Variants in FNDC3B observed in about 807,000 individuals in gnomAD.
FNDC3B encodes the protein fibronectin type III domain containing 3B.
Under a neutral mutation model 151.5 loss-of-function variants are expected in FNDC3B, and 12 were observed. That is an observed-to-expected ratio of 0.08 (90% CI 0.05 to 0.13). The LOEUF is 0.13. Among genes scored for constraint, FNDC3B ranks in the 10% least tolerant of loss-of-function variants. The probability of loss-of-function intolerance (pLI) is 1.00; values close to 1 mark genes in which losing one functional copy is unlikely to be tolerated. For missense variants in FNDC3B, 1,214 were observed against 1,505.3 expected (o/e 0.81, Z 3.20); for synonymous variants, 528 against 549.0 (o/e 0.96, Z 0.54).
chr3:172,233,170 A>G (rs774190786), intron 4 of FNDC3B, among the ~76,000 whole-genome samples: 1 of 152,220 alleles, frequency 6.6e-6, no homozygotes, highest in Non-Finnish European at 1.5e-5. Context: ...ATTTGCTCAA[A>G]TGTTATAGGG....
intron 2 of FNDC3B, among the ~76,000 whole-genome samples, chr3:172,126,644 T>C (rs1452044216): frequency 6.6e-6 from 1 of 152,234 alleles, no homozygotes; most frequent in Admixed American, 6.5e-5. Context: ...GATTGTATGG[T>C]GGACAACGTC....
intron 3 of FNDC3B, among the ~76,000 whole-genome samples, chr3:172,214,968 G>A (rs1232820882): frequency 6.6e-6 from 1 of 152,226 alleles, no homozygotes; most frequent in Admixed American, 6.5e-5. Context: ...ATTGAGTAAT[G>A]ATATGTTGGT....
intron 13 of FNDC3B, among the ~76,000 whole-genome samples, chr3:172,331,300 A>G (rs922394401): frequency 6.6e-6 from 1 of 152,048 alleles, no homozygotes; most frequent in South Asian, 2.1e-4. Context: ...TGGGCTCTCC[A>G]TTACTGTCCT....
chr3:172,149,290 C>G (rs1199622354), intron 3 of FNDC3B, among the ~76,000 whole-genome samples: 2 of 152,184 alleles, frequency 1.3e-5, no homozygotes, highest in Non-Finnish European at 2.9e-5. Context: ...TAAATTTTCT[C>G]TTCCACTTTA....
Position 172,328,967 on chromosome 3 carries a change from G to C in FNDC3B, c.1270G>C (p.Gly424Arg). The change falls in exon 12 of 26, where the codon GGT becomes CGT. Residue 424 changes from glycine to arginine, a missense_variant. Transcript: ENST00000415807. ...LEWDEGKRNS[G>R]FRQCFFGSQK... ...TTACTTTTAGGGAAAAAGAAATAGT[G>C]GTTTCAGACAGTGCTTCTTCGGGAG... The C allele has an allele frequency of 1.2e-6, 2 of 1,610,776 alleles. No homozygotes were observed. Among genetic ancestry groups the C allele is most frequent in the Non-Finnish European group, 1.7e-6 (2 of 1,178,138 alleles).
chr3:172,330,611 G>C lies in FNDC3B; in HGVS notation c.1450G>C (p.Val484Leu). The change falls in exon 13 of 26, where the codon GTT becomes CTT. Residue 484 changes from valine to leucine, a missense_variant. Coordinates refer to ENST00000415807, the MANE Select transcript of FNDC3B (RefSeq NM_022763.4). ...TCAGATGCCTTCTGCACCAAGGCTG[G>C]TTCGAGCTGGCATCACATGGGTCAC... is the stretch of plus-strand genomic sequence containing the variant. ...IPQMPSAPRL[V>L]RAGITWVTLQ... The C allele has an allele frequency of 6.2e-7, 1 of 1,614,204 alleles. No individual in the cohort carries two copies. The highest frequency in any genetic ancestry group is 1.7e-4 in the Middle Eastern group (1 of 6,060).
chr3:172,148,052 T>G (rs1264832934), intron 3 of FNDC3B, among the ~76,000 whole-genome samples: 1 of 152,144 alleles, frequency 6.6e-6, no homozygotes, highest in African/African-American at 2.4e-5. Flanking sequence ...AAGGATTTGT[T>G]TGTAGTCTTT....
intron 1 of FNDC3B, among the ~76,000 whole-genome samples, chr3:172,057,196 C>T (rs967838502): frequency 2.0e-5 from 3 of 152,118 alleles, no homozygotes; most frequent in African/African-American, 7.2e-5. Flanking sequence ...TTTTTAAGAG[C>T]GATCAGGTCT....
At chr3:172,284,765 T>G (rs1729919388) in intron 6 of FNDC3B, among the ~76,000 whole-genome samples, 1 of 149,234 alleles carries the variant, frequency 6.7e-6, no homozygotes, top group African/African-American at 2.5e-5. Flanking sequence ...ACAGCACCCA[T>G]CACAAGGCAC....
chr3:172,313,975 A>G lies in FNDC3B; in HGVS notation c.1254+3094A>G, dbSNP rs76220291. Among the ~76,000 whole-genome samples, 241 of 152,240 alleles carry G rather than the reference A, an allele frequency of 1.6e-3. 2 individuals are homozygous for G. Among genetic ancestry groups the G allele is most frequent in the African/African-American group, 5.6e-3 (234 of 41,502 alleles). On this transcript the variant is annotated intron_variant, in intron 11 of 25. Transcript: ENST00000415807. ...TCTTTGGGTCCCACATTCCTATGCT[A>G]TACAGGCCTTAGCTTCAAGAAGGAA...
At chr3:172,155,164 A>C (rs1262425957) in intron 3 of FNDC3B, among the ~76,000 whole-genome samples, 1 of 152,250 alleles carries the variant, frequency 6.6e-6, no homozygotes, top group African/African-American at 2.4e-5. Context: ...TCAAATACCC[A>C]GCCAAAGTCA....
chr3:172,100,529 G>T (rs1719330284), intron 1 of FNDC3B, among the ~76,000 whole-genome samples: 1 of 152,124 alleles, frequency 6.6e-6, no homozygotes, highest in South Asian at 2.1e-4. Flanking sequence ...ATGTTTATCT[G>T]AATTAGTAAT....
chr3:172,077,023 A>G lies in FNDC3B; in HGVS notation c.-28-35429A>G, dbSNP rs566903229. Among the ~76,000 whole-genome samples, 4 of 152,350 alleles carry G rather than the reference A, an allele frequency of 2.6e-5. No homozygotes were observed. The South Asian group carries it at 8.3e-4, about 32-fold the overall frequency. On this transcript the variant is annotated intron_variant, in intron 1 of 25. Transcript: ENST00000415807. ...TTAGTTAGAAAACAAAATCTGCATAATGAAATTATATAAACGAGTGATCAA... is the reference window on the plus strand; with the variant it reads ...TTAGTTAGAAAACAAAATCTGCATAGTGAAATTATATAAACGAGTGATCAA...
intron 1 of FNDC3B, among the ~76,000 whole-genome samples, chr3:172,070,567 C>T (rs939804351): frequency 7.2e-5 from 11 of 152,196 alleles, no homozygotes; most frequent in African/African-American, 2.4e-4. Context: ...CCTAGCACTC[C>T]GGCTACTGAC....
chr3:172,365,130 A>G (rs1031413973), intron 23 of FNDC3B, among the ~76,000 whole-genome samples: 59 of 152,322 alleles, frequency 3.9e-4, no homozygotes, highest in African/African-American at 1.4e-3. Context: ...TCAAGGAGAA[A>G]CAATTTGAGT....
intron 6 of FNDC3B, among the ~76,000 whole-genome samples, chr3:172,277,533 C>T (rs965496211): frequency 5.9e-5 from 9 of 152,144 alleles, no homozygotes; most frequent in African/African-American, 1.7e-4. Flanking sequence ...ATCACTTTAG[C>T]GCGTAGGGTT....
intron 1 of FNDC3B, among the ~76,000 whole-genome samples, chr3:172,094,558 TG>T (rs1363052712): frequency 6.6e-6 from 1 of 152,208 alleles, no homozygotes; most frequent in African/African-American, 2.4e-5. Context: ...GATACATTTT[TG>T]TGTGTCCATT....
At chr3:172,259,363 C>G (rs1202442852) in intron 6 of FNDC3B, among the ~76,000 whole-genome samples, 1 of 152,182 alleles carries the variant, frequency 6.6e-6, no homozygotes, top group Non-Finnish European at 1.5e-5. Context: ...GCGTAGGCTG[C>G]CAGATCTCTC....
rs1047209450 is a variant in FNDC3B at position 172,398,963 on chromosome 3, T to C, written c.*1488T>C. 2.0e-5 allele frequency: 3 copies of C among 152,610 alleles called. No homozygotes were observed. Among genetic ancestry groups the C allele is most frequent in the Admixed American group, 6.5e-5 (1 of 15,274 alleles). The allele number at this position is 152,610 out of a possible 1,614,324, so 9.5% of individuals were successfully genotyped here. A position where few individuals can be genotyped will look rare whatever the true frequency, so the allele number is the denominator to read the frequency against. ...TTAAGAGTTGGAGGTGCAAATATAT[T>C]CCAAAAGGGTGCAACAGACACAGTG... On this transcript the variant is annotated 3_prime_UTR_variant, in exon 26 of 26. Coordinates refer to ENST00000415807, the MANE Select transcript of FNDC3B (RefSeq NM_022763.4).
Sources: gnomAD v4.1 joint callset for allele counts (sites outside exome capture counted in the v4.1 genomes callset) on GRCh38, gnomAD v4.1.1 for gene constraint, MANE v1.5 for transcripts, NCBI Gene and HGNC (gene_info 2026-07-23, HGNC 2026-07-21) for gene names.